Variants in ZNF407 observed in about 807,000 individuals in gnomAD.
ZNF407 encodes the protein zinc finger protein 407.
Under a neutral mutation model 131.2 loss-of-function variants are expected in ZNF407, and 17 were observed. The observed-to-expected ratio is 0.13, with a 90% confidence interval of 0.09 to 0.19. The LOEUF (loss-of-function observed/expected upper bound fraction) is 0.19, where lower values mean the gene tolerates loss of function less well. Ranked by LOEUF, ZNF407 falls within the 10% of genes least tolerant of loss-of-function variation. The pLI is 1.00. For missense variants in ZNF407, 2,681 were observed against 2,830.6 expected, an observed-to-expected ratio of 0.95 and a Z score of 1.20; for synonymous variants, 1,156 against 1,062.0, an observed-to-expected ratio of 1.09 and a Z score of -1.72.
At position 74,664,920 on chromosome 18, in the gene ZNF407, A is replaced by C. The variant is rs143299410; in HGVS notation, c.4802+23798A>C. Among the ~76,000 whole-genome samples the C allele has an allele frequency of 3.4e-3, 513 of 152,262 alleles. 3 individuals carry two copies. Among genetic ancestry groups the C allele is most frequent in the African/African-American group, 0.012 (480 of 41,528 alleles). ...TCAATTTTGGTGTAGAAAGATCAGG[A>C]GACCTCGGTTTATTGAGCCTAGGCT... On this transcript the variant is annotated intron_variant, in intron 3 of 8. Coordinates refer to ENST00000299687, the MANE Select transcript of ZNF407 (RefSeq NM_017757.3).
At chr18:74,884,562 T>C (rs535584124) in intron 6 of ZNF407, among the ~76,000 whole-genome samples, 1 of 152,328 alleles carries the variant, frequency 6.6e-6, no homozygotes, top group South Asian at 2.1e-4. Context: ...TCATCCTGTA[T>C]GTAATTCAAA....
At chr18:74,778,498 T>C (rs947519211) in intron 3 of ZNF407, among the ~76,000 whole-genome samples, 1 of 152,242 alleles carries the variant, frequency 6.6e-6, no homozygotes, top group Non-Finnish European at 1.5e-5. Context: ...TGTTTTTTTT[T>C]CCTTGTTGTC....
intron 3 of ZNF407, among the ~76,000 whole-genome samples, chr18:74,780,671 C>T (rs181588988): frequency 6.6e-6 from 1 of 152,220 alleles, no homozygotes; most frequent in Non-Finnish European, 1.5e-5. Context: ...TCCAGAGAGC[C>T]ATTTTAGTTT....
rs375090606 is a variant in ZNF407 at position 74,916,781 on chromosome 18, A to AGTGT, written c.5250-3713_5250-3710dup. Among the ~76,000 whole-genome samples, 293 of 87,978 alleles carry AGTGT rather than the reference A, an allele frequency of 3.3e-3. 15 individuals are homozygous for AGTGT. The highest frequency in any genetic ancestry group is 0.011 in the African/African-American group (219 of 19,736). 57.7% of individuals were successfully genotyped at this position (87,978 alleles called of 152,430 possible). ...GTATGCAGCATTGGTTCGAATCGGG[A>AGTGT]GTGTGTGTGTGTGTGTGTGTGTGCA... On this transcript the variant is annotated intron_variant, in intron 7 of 8. Transcript: ENST00000299687.
intron 8 of ZNF407, among the ~76,000 whole-genome samples, chr18:74,936,055 C>G (rs1443677725): frequency 6.6e-6 from 1 of 152,158 alleles, no homozygotes; most frequent in Non-Finnish European, 1.5e-5. Flanking sequence ...TGTGATGGCA[C>G]TTAATATATT....
chr18:74,681,501 C>T (rs1160535983), intron 3 of ZNF407, among the ~76,000 whole-genome samples: 1 of 152,160 alleles, frequency 6.6e-6, no homozygotes, highest in East Asian at 1.9e-4. Context: ...CCTTGGCCTT[C>T]CAAGGTGCTG....
At chr18:74,835,709 A>G (rs945022283) in intron 4 of ZNF407, among the ~76,000 whole-genome samples, 15 of 151,550 alleles carry the variant, frequency 9.9e-5, no homozygotes, top group African/African-American at 3.2e-4. Flanking sequence ...CTGTAGGTAT[A>G]TTTTCAGGCA....
At position 74,833,671 on chromosome 18, in the gene ZNF407, G is replaced by A. The variant is rs187261119; in HGVS notation, c.4878-43526G>A. Among the ~76,000 whole-genome samples, 445 of 152,306 alleles carry A rather than the reference G, an allele frequency of 2.9e-3. 1 individual carries two copies. The highest frequency in any genetic ancestry group is 5.4e-3 in the Admixed American group (82 of 15,304). On this transcript the variant is annotated intron_variant, in intron 4 of 8. Coordinates refer to ENST00000299687, the MANE Select transcript of ZNF407 (RefSeq NM_017757.3). Reference sequence around the variant, plus strand: ...TGTTGCCCTTGGCACGGGACTTAAGGGCCTTATGTTGTATCTTCAGTTGAA... The same window carrying A: ...TGTTGCCCTTGGCACGGGACTTAAGAGCCTTATGTTGTATCTTCAGTTGAA...
intron 8 of ZNF407, among the ~76,000 whole-genome samples, chr18:75,004,769 C>A (rs948557262): frequency 1.3e-5 from 2 of 152,204 alleles, no homozygotes; most frequent in African/African-American, 4.8e-5. Context: ...CATTTTTCAA[C>A]CCTGTGTTTC....
At position 74,881,104 on chromosome 18, in the gene ZNF407, C is replaced by T. The variant is rs745628606; in HGVS notation, c.5113C>T (p.Arg1705Cys). ...GGTRHALTKH[R>C]RQHTGEKPFK... Reference sequence around the variant, plus strand: ...GACCCGCCACGCCCTCACCAAGCATCGCAGACAGCACACAGGTCAGTTCCG... The same window carrying T: ...GACCCGCCACGCCCTCACCAAGCATTGCAGACAGCACACAGGTCAGTTCCG... The change falls in exon 6 of 9, where the codon CGC becomes TGC. Residue 1705 changes from arginine (R) to cysteine (C), a missense_variant. Around this residue, in one of 6 missense-constraint regions of ZNF407, gnomAD observed 213 missense variants for 332.2 expected, o/e 0.64. Coordinates refer to ENST00000299687, the MANE Select transcript of ZNF407 (RefSeq NM_017757.3). The T allele has an allele frequency of 1.3e-6, 2 of 1,576,266 alleles. No individual in the cohort carries two copies. The highest frequency in any genetic ancestry group is 1.2e-5 in the South Asian group (1 of 86,380).
chr18:74,706,826 A>G (rs1967634509), intron 3 of ZNF407, among the ~76,000 whole-genome samples: 1 of 151,860 alleles, frequency 6.6e-6, no homozygotes, highest in East Asian at 1.9e-4. Context: ...ATTCTCCGTG[A>G]TGGACACAAC....
chr18:75,025,240 A>G (rs891579464), intron 8 of ZNF407, among the ~76,000 whole-genome samples: 11 of 152,318 alleles, frequency 7.2e-5, no homozygotes, highest in African/African-American at 2.6e-4. Context: ...ATATTAACTG[A>G]TATCTTTGGA....
At chr18:74,851,180 C>A (rs1228340413) in intron 4 of ZNF407, among the ~76,000 whole-genome samples, 2 of 152,172 alleles carry the variant, frequency 1.3e-5, no homozygotes, top group Admixed American at 1.3e-4. Context: ...ATTCAAACGT[C>A]TTTTCTTAAG....
chr18:74,610,816 A>G (rs1983027635), intron 1 of ZNF407, among the ~76,000 whole-genome samples: 1 of 152,036 alleles, frequency 6.6e-6, no homozygotes, highest in African/African-American at 2.4e-5. Flanking sequence ...AGCCTCCCGA[A>G]GTGCTGATAT....
chr18:74,728,406 A>G (rs1053985187), intron 3 of ZNF407, among the ~76,000 whole-genome samples: 3 of 152,208 alleles, frequency 2.0e-5, no homozygotes. Context: ...ATAGCCCAGA[A>G]TGAAGGATGT....
chr18:74,801,410 C>A (rs1970017350), intron 4 of ZNF407, among the ~76,000 whole-genome samples: 1 of 152,102 alleles, frequency 6.6e-6, no homozygotes, highest in Admixed American at 6.5e-5. Context: ...TCGAGTATCA[C>A]AAACGTGGGC....
chr18:74,913,960 G>A (rs1971710327), intron 7 of ZNF407, among the ~76,000 whole-genome samples: 1 of 152,170 alleles, frequency 6.6e-6, no homozygotes, highest in African/African-American at 2.4e-5. Context: ...TATAAGGCAT[G>A]GGTCCCATCT....
intron 8 of ZNF407, among the ~76,000 whole-genome samples, chr18:75,008,101 A>G (rs1205464501): frequency 6.6e-6 from 1 of 152,180 alleles, no homozygotes; most frequent in Non-Finnish European, 1.5e-5. Context: ...TGAATTGGGA[A>G]GTTCACTGAA....
At chr18:74,856,784 A>C (rs780725756) in intron 4 of ZNF407, among the ~76,000 whole-genome samples, 1 of 152,242 alleles carries the variant, frequency 6.6e-6, no homozygotes, top group Non-Finnish European at 1.5e-5. Context: ...AGTTTGTACT[A>C]TATAATAAGT....
Sources: allele counts gnomAD v4.1 joint callset (sites outside exome capture counted in the v4.1 genomes callset), GRCh38; gene constraint gnomAD v4.1.1; regional missense constraint gnomAD v4.1.1; transcripts MANE v1.5; gene names NCBI Gene and HGNC (gene_info 2026-07-23, HGNC 2026-07-21).